The following DNM1L variants were observed in gnomAD, a reference collection of about 807,000 sequenced individuals.
The protein encoded by DNM1L is dynamin 1L, also known as dynamin-1-like protein.
In DNM1L, 33 loss-of-function variants were observed where a neutral mutation model predicts 92.8. The ratio of observed to expected loss-of-function variants is 0.36; its 90% CI spans 0.27 to 0.48. DNM1L has a LOEUF of 0.48. Among genes scored for constraint, DNM1L ranks in the 20% least tolerant of loss-of-function variants. The pLI is 0.99. For synonymous variants in DNM1L, 284 were observed against 305.0 expected, an observed-to-expected ratio of 0.93 and a Z score of 0.72; for missense variants, 485 against 888.8, an observed-to-expected ratio of 0.55 and a Z score of 5.78.
At chr12:32,704,780 C>T (rs560565850) in intron 2 of DNM1L, among the ~76,000 whole-genome samples, 11 of 152,178 alleles carry the variant, frequency 7.2e-5, no homozygotes, top group South Asian at 2.1e-4. Context: ...ACTGAGTCCA[C>T]GAAGGTCAAG....
intron 16 of DNM1L, among the ~76,000 whole-genome samples, chr12:32,738,502 GT>G (rs1955060358): frequency 6.6e-6 from 1 of 152,104 alleles, no homozygotes; most frequent in Non-Finnish European, 1.5e-5. Flanking sequence ...TCACTGTTTT[GT>G]TACCTTCAAG....
At chr12:32,689,179 C>T (rs991308784) in intron 1 of DNM1L, among the ~76,000 whole-genome samples, 1 of 151,338 alleles carries the variant, frequency 6.6e-6, no homozygotes, top group Non-Finnish European at 1.5e-5. Flanking sequence ...ATGGTAGAAA[C>T]ATTGTAGTTT....
Position 32,701,510 on chromosome 12 carries a change from A to G in DNM1L, c.198A>G (p.Gln66=), listed in dbSNP as rs764711165. The G allele has an allele frequency of 1.1e-5, 17 of 1,613,930 alleles. No individual in the cohort carries two copies. The highest frequency in any genetic ancestry group is 5.0e-5 in the Admixed American group (3 of 59,996). The change falls in exon 2 of 20, where the codon CAA becomes CAG. Residue 66 remains glutamine, a synonymous_variant. Transcript: ENST00000549701. ...TCACCCGGAGACCTCTCATTCTGCA[A>G]CTGGTCCATGTTTCACAAGAAGATA... The part of the protein sequence containing the change: ...GIVTRRPLIL[Q]LVHVSQEDKR...
At chr12:32,726,036 C>A (rs573608177) in intron 9 of DNM1L, among the ~76,000 whole-genome samples, 2 of 150,716 alleles carry the variant, frequency 1.3e-5, no homozygotes, top group African/African-American at 4.9e-5. Flanking sequence ...TGAAAAAATA[C>A]TTTGGTTCTT....
intron 18 of DNM1L, among the ~76,000 whole-genome samples, chr12:32,740,807 T>C (rs1015467191): frequency 1.3e-5 from 2 of 152,250 alleles, no homozygotes; most frequent in Non-Finnish European, 1.5e-5. Flanking sequence ...AATTTTAATT[T>C]AGTAGTTTCA....
rs71298052 is a variant in DNM1L, at chr12:32,685,359, CTT to C, written c.102+5912_102+5913del. On this transcript the variant is annotated intron_variant, in intron 1 of 19. Coordinates refer to ENST00000549701, the MANE Select transcript of DNM1L (RefSeq NM_012062.5). ...AAAGTGTTTTCCATAGTGGCTGCAC[CTT>C]TTTTTTTTTTTTTTTTTGAGACAGG... Among the ~76,000 whole-genome samples, 327 of 124,408 alleles carry C rather than the reference CTT, an allele frequency of 2.6e-3. 4 individuals carry two copies. Among genetic ancestry groups the C allele is most frequent in the South Asian group, 0.022 (83 of 3,792 alleles). 81.6% of individuals were successfully genotyped at this position (124,408 alleles called of 152,430 possible).
At chr12:32,738,994 G>A (rs76878092) in intron 16 of DNM1L, among the ~76,000 whole-genome samples, 3,092 of 152,102 alleles carry the variant, frequency 0.02, 100 homozygotes, top group African/African-American at 0.071. Flanking sequence ...CATTCATGAC[G>A]TCACACTGAA....
rs146565893 is a variant in DNM1L, at chr12:32,737,908, C to T, written c.1640C>T (p.Pro547Leu). The stretch of plus-strand genomic sequence containing the variant: ...GCTTTGGCACCTGCCTCCCAGGAGC[C>T]CTCCCCCGCTGCTTCTGCTGAGGCT... Reference protein sequence around the residue: ...PSALAPASQEPSPAASAEADG... With the variant: ...PSALAPASQELSPAASAEADG... The change falls in exon 15 of 20, where the codon CCC (proline) becomes CTC (leucine). Residue 547 changes from proline to leucine, a missense_variant. By Grantham distance (98) the Pro-to-Leu change is moderately conservative. Transcript: ENST00000549701. 7.4e-5 allele frequency: 119 copies of T among 1,613,878 alleles called. No individual in the cohort carries two copies. In the African/African-American group the frequency reaches 1.4e-3, roughly 19 times the overall value.
At chr12:32,698,433 G>T (rs1275277020) in intron 1 of DNM1L, among the ~76,000 whole-genome samples, 1 of 152,168 alleles carries the variant, frequency 6.6e-6, no homozygotes, top group Non-Finnish European at 1.5e-5. Flanking sequence ...AGGCTTCGGG[G>T]TGATGAGAGC....
intron 6 of DNM1L, among the ~76,000 whole-genome samples, chr12:32,718,127 T>C (rs1331586646): frequency 1.4e-5 from 2 of 140,864 alleles, no homozygotes; most frequent in African/African-American, 5.2e-5. Context: ...ATATAGTATA[T>C]ATATTTTATA....
intron 1 of DNM1L, among the ~76,000 whole-genome samples, chr12:32,686,119 C>A (rs184057430): frequency 7.2e-6 from 1 of 138,182 alleles, no homozygotes. Context: ...GGCGCGATCT[C>A]GGCTCACAGC....
chr12:32,743,423 A>G lies in DNM1L; in HGVS notation c.*13A>G, dbSNP rs749381952. ...TCATCTTTGGTGAAGAGAACTATGT[A>G]ATACTGAGACTTTGTTGACTCAAAA... On this transcript the variant is annotated 3_prime_UTR_variant, in exon 20 of 20. Transcript: ENST00000549701. 6.2e-7 allele frequency: 1 copy of G among 1,613,608 alleles called. No homozygotes were observed. The highest frequency in any genetic ancestry group is 8.5e-7 in the Non-Finnish European group (1 of 1,179,652).
intron 18 of DNM1L, among the ~76,000 whole-genome samples, chr12:32,741,207 T>C (rs1225840716): frequency 2.0e-5 from 3 of 152,236 alleles, no homozygotes; most frequent in Admixed American, 2.0e-4. Context: ...TAGCTTGTAG[T>C]AGAAATAACA....
At chr12:32,717,197 ATT>A (rs1383548981) in intron 6 of DNM1L, among the ~76,000 whole-genome samples, 3 of 117,776 alleles carry the variant, frequency 2.5e-5, no homozygotes, top group African/African-American at 9.8e-5. Flanking sequence ...TACTATATAT[ATT>A]TATATATACT....
At chr12:32,743,012 C>T (rs995898042) in intron 19 of DNM1L, among the ~76,000 whole-genome samples, 1 of 150,738 alleles carries the variant, frequency 6.6e-6, no homozygotes, top group African/African-American at 2.4e-5. Flanking sequence ...TCTCCTGCCT[C>T]AGCCTCCCGA....
chr12:32,724,601 T>C (rs868714117), intron 9 of DNM1L, among the ~76,000 whole-genome samples: 1 of 121,820 alleles, frequency 8.2e-6, no homozygotes, highest in Non-Finnish European at 1.8e-5. Context: ...AAAATATATA[T>C]ATATATATAT....
intron 6 of DNM1L, among the ~76,000 whole-genome samples, chr12:32,717,246 A>G (rs1322307277): frequency 9.6e-6 from 1 of 104,662 alleles, no homozygotes; most frequent in Non-Finnish European, 1.8e-5. Context: ...TATTTTATAT[A>G]TAGTATATAT....
chr12:32,731,077 T>C lies in DNM1L; in HGVS notation c.1143T>C (p.Val381=). The C allele has an allele frequency of 6.2e-7, 1 of 1,614,100 alleles. No homozygotes were observed. The highest frequency in any genetic ancestry group is 8.5e-7 in the Non-Finnish European group (1 of 1,180,004). The part of the protein sequence containing the change: ...HETFGRTLES[V]DPLGGLNTID... Reference sequence around the variant, plus strand: ...CTTTTGGGCGAACCTTAGAATCTGTTGATCCACTTGGTGGCCTTAACACTA... The same window carrying C: ...CTTTTGGGCGAACCTTAGAATCTGTCGATCCACTTGGTGGCCTTAACACTA... Residue 381 remains valine (V), a synonymous_variant, in exon 10 of 20, where the codon GTT becomes GTC. Coordinates refer to ENST00000549701, the MANE Select transcript of DNM1L (RefSeq NM_012062.5). The surrounding 1 kb of genome is among the most constrained non-coding windows in gnomAD (Gnocchi z 5.1).
intron 2 of DNM1L, chr12:32,705,864 G>T (rs761652084): frequency 2.5e-6 from 4 of 1,597,604 alleles, no homozygotes; most frequent in African/African-American, 2.7e-5. Flanking sequence ...CTTTCTAAAG[G>T]TTTCCTTTAT....
Sources: allele counts gnomAD v4.1 joint callset (sites outside exome capture counted in the v4.1 genomes callset), GRCh38; gene constraint gnomAD v4.1.1; non-coding constraint Gnocchi (gnomAD v3.1); transcripts MANE v1.5; gene names NCBI Gene and HGNC (gene_info 2026-07-23, HGNC 2026-07-21).